FHIP2B: variants seen among roughly 807,000 people sequenced by gnomAD.
FHIP2B encodes FHF complex subunit HOOK interacting protein 2B.
In FHIP2B, 72 loss-of-function variants were observed where a neutral mutation model predicts 84.0. That is an observed-to-expected ratio of 0.86 (90% CI 0.71 to 1.04). FHIP2B has a LOEUF of 1.04. Ranked by LOEUF, FHIP2B falls within the 50% of genes least tolerant of loss-of-function variation. The probability of loss-of-function intolerance (pLI) is 0.00; values close to 1 mark genes in which losing one functional copy is unlikely to be tolerated. For synonymous variants in FHIP2B, 497 were observed against 418.7 expected (o/e 1.19, Z -2.28); for missense variants, 972 against 968.9 (o/e 1.00, Z -0.04).
intron 1 of FHIP2B, among the ~76,000 whole-genome samples, chr8:22,091,235 T>G (rs1408405456): frequency 7.0e-6 from 1 of 143,036 alleles, no homozygotes; most frequent in Non-Finnish European, 1.5e-5. Context: ...TAGGAATCAT[T>G]ACAGCTTTTT....
rs1256686148 is a variant in FHIP2B at position 22,097,606 on chromosome 8, C to G, written c.388C>G (p.His130Asp). The change falls in exon 4 of 17, where the codon CAC (histidine) becomes GAC (aspartate). Residue 130 changes from histidine (H) to aspartate (D), a missense_variant. Coordinates refer to ENST00000289921, the MANE Select transcript of FHIP2B (RefSeq NM_022749.7). ...CCCCCTGCTGCATTACCTCAGCGTC[C>G]ACAGGCCTGTGCAGGTGAGGGGCCC... The part of the protein sequence containing the change: ...QHPLLHYLSV[H>D]RPVQKLLRLG... The G allele has an allele frequency of 6.2e-7, 1 of 1,606,758 alleles. No individual in the cohort carries two copies. The highest frequency in any genetic ancestry group is 1.3e-5 in the African/African-American group (1 of 74,764).
intron 1 of FHIP2B, among the ~76,000 whole-genome samples, chr8:22,092,022 A>G (rs1271739109): frequency 6.6e-6 from 1 of 152,226 alleles, no homozygotes; most frequent in African/African-American, 2.4e-5. Flanking sequence ...GCACTGTCAC[A>G]TAGAATGTAG....
intron 1 of FHIP2B, among the ~76,000 whole-genome samples, chr8:22,093,896 T>C (rs2131690781): frequency 6.6e-6 from 1 of 152,062 alleles, no homozygotes; most frequent in East Asian, 1.9e-4. Flanking sequence ...TTTTAAATTG[T>C]TTATAGAGAC....
chr8:22,100,992 G>A lies in FHIP2B; in HGVS notation c.1616+20G>A, dbSNP rs1323168016. The A allele has an allele frequency of 6.2e-7, 1 of 1,610,008 alleles. No individual in the cohort carries two copies. Among genetic ancestry groups the A allele is most frequent in the African/African-American group, 1.3e-5 (1 of 74,836 alleles). The stretch of plus-strand genomic sequence containing the variant: ...CAACAGGTGGGGAGCAAGTTAGGCA[G>A]TCTGAACCACTTGAGTTTTATTTTA... On this transcript the variant is annotated intron_variant, in intron 12 of 16. Transcript: ENST00000289921.
rs1586330760 is a variant in FHIP2B at position 22,097,938 on chromosome 8, G to A, written c.525+99G>A. The A allele has an allele frequency of 7.7e-6, 12 of 1,556,884 alleles. No individual in the cohort carries two copies. The South Asian group carries it at 8.4e-5, about 11-fold the overall frequency. On this transcript the variant is annotated intron_variant, in intron 5 of 16. Coordinates refer to ENST00000289921, the MANE Select transcript of FHIP2B (RefSeq NM_022749.7). ...AGGCAGAAGCAGAGATCAGGTACCC[G>A]GGAGGCACGCAGGCAGCTTCCCCTC...
At chr8:22,089,661 C>T in intron 1 of FHIP2B, 1 of 769,738 alleles carries the variant, frequency 1.3e-6, no homozygotes, top group Non-Finnish European at 1.9e-6. Flanking sequence ...GGCCGCCTCC[C>T]CCCAGTCCCG....
At position 22,093,317 on chromosome 8, in the gene FHIP2B, TG is replaced by T. The variant is rs776921355; in HGVS notation, c.46-1122del. On this transcript the variant is annotated intron_variant, in intron 1 of 16. Transcript: ENST00000289921. ...CTCTGCAAGAAAAGCGAAGGAATGG[TG>T]TTGTTGTTGTTGTTGTTGTTGTTTT... 9.1e-3 allele frequency among the ~76,000 whole-genome samples: 309 copies of T among 34,094 alleles called. 1 individual carries two copies. Among genetic ancestry groups the T allele is most frequent in the Admixed American group, 0.056 (125 of 2,224 alleles). The allele number at this position is 34,094 out of a possible 152,430, so 22.4% of individuals were successfully genotyped here.
chr8:22,100,820 C>A, intron 11 of FHIP2B, 24 bp from the exon 12 acceptor site: 1 of 1,613,768 alleles, frequency 6.2e-7, no homozygotes, highest in Non-Finnish European at 8.5e-7. Context: ...TCACTGGTGC[C>A]GTACTGCTCT....
intron 2 of FHIP2B, chr8:22,095,012 C>A: frequency 1.9e-6 from 1 of 528,450 alleles, no homozygotes; most frequent in Non-Finnish European, 2.5e-6. Flanking sequence ...TCCAAGCTGA[C>A]ACCCCAAAGA....
chr8:22,100,237 T>C, intron 10 of FHIP2B: 5 of 374,702 alleles, frequency 1.3e-5, no homozygotes, highest in Non-Finnish European at 2.4e-5. Context: ...CCCAGCTTAT[T>C]TTTTTACAGT....
intron 13 of FHIP2B, 75 bp downstream of exon 13, chr8:22,101,605 C>T: frequency 1.9e-6 from 3 of 1,559,900 alleles, no homozygotes; most frequent in Non-Finnish European, 2.6e-6. Flanking sequence ...GGTTCCGCCT[C>T]TCTCATCTGC....
Position 22,089,704 on chromosome 8 carries a change from C to A in FHIP2B, c.45+406C>A. 9.4e-6 allele frequency: 11 copies of A among 1,176,370 alleles called. 1 individual carries two copies. In the South Asian group the frequency reaches 1.3e-4, roughly 14 times the overall value. 72.9% of individuals were successfully genotyped at this position (1,176,370 alleles called of 1,614,324 possible). A position where few individuals can be genotyped will look rare whatever the true frequency, so the allele number is the denominator to read the frequency against. ...TGCCTCCTTCCTCCGCTCCACCCCA[C>A]CGCCTCGCCTGGGCTTGAAAAAATC... On this transcript the variant is annotated intron_variant, in intron 1 of 16. Transcript: ENST00000289921.
chr8:22,098,141 G>A lies in FHIP2B; in HGVS notation c.599G>A (p.Gly200Glu), dbSNP rs1364567253. ...CTGCCTAAGGACACAACCAGCCACG[G>A]GGACAAGGACTGCTCCCACGATGGT... ...TALPKDTTSH[G>E]DKDCSHDGAP... The change falls in exon 6 of 17, where the codon GGG becomes GAG. Residue 200 changes from glycine (G) to glutamate (E), a missense_variant. Physicochemically the swap from Gly to Glu is moderately conservative, Grantham distance 98. Coordinates refer to ENST00000289921, the MANE Select transcript of FHIP2B (RefSeq NM_022749.7). 8 of 1,581,266 alleles carry A rather than the reference G, an allele frequency of 5.1e-6. No individual in the cohort carries two copies. In the South Asian group the frequency reaches 9.2e-5, roughly 18 times the overall value.
Position 22,101,769 on chromosome 8 carries a change from AC to A in FHIP2B, c.1774del (p.His592MetfsTer30), listed in dbSNP as rs760552753. 1.2e-6 allele frequency: 2 copies of A among 1,612,798 alleles called. No individual in the cohort carries two copies. Among genetic ancestry groups the A allele is most frequent in the Non-Finnish European group, 1.7e-6 (2 of 1,179,644 alleles). On this transcript the variant is annotated frameshift_variant, in exon 14 of 17. Coordinates refer to ENST00000289921, the MANE Select transcript of FHIP2B (RefSeq NM_022749.7). LOFTEE classifies it high-confidence loss of function. ...TGGCCTCTGACCCCCACACCTTTGGACCCCCATGAGCCCGAGCGACCTTTCT... is the reference window on the plus strand; with the variant it reads ...TGGCCTCTGACCCCCACACCTTTGGACCCCATGAGCCCGAGCGACCTTTCT... ...WGWPLTPTPL[D>X]PHEPERPFFE...
Position 22,100,674 on chromosome 8 carries a change from C to T in FHIP2B, c.1422C>T (p.Arg474=), listed in dbSNP as rs777590576. The T allele has an allele frequency of 5.0e-6, 8 of 1,607,572 alleles. No individual in the cohort carries two copies. Among genetic ancestry groups the T allele is most frequent in the Non-Finnish European group, 6.8e-6 (8 of 1,176,458 alleles). ...GGATCATCCACAGCCTGGTCCTGCG[C>T]AACCTTGAGGGCCGCCCTTACGTGG... ...HEGIIHSLVL[R]NLEGRPYVAW... Residue 474 remains arginine (R), a synonymous_variant, in exon 11 of 17, where the codon CGC becomes CGT. Transcript: ENST00000289921.
chr8:22,094,811 C>T (rs1825678411), intron 2 of FHIP2B: 1 of 1,228,376 alleles, frequency 8.1e-7, no homozygotes, highest in Admixed American at 4.5e-5. Context: ...GAAGAGGTGG[C>T]TGCACTTCCC....
In FHIP2B at chr8:22,099,675, G is replaced by C. The variant is rs1443139689; in HGVS notation, c.1152-29G>C. ...ACTCATGTGCTGTCTGCACACACCGGGCCTGGCTAAGGTGCCCTCTTCCCG... is the reference window on the plus strand; with the variant it reads ...ACTCATGTGCTGTCTGCACACACCGCGCCTGGCTAAGGTGCCCTCTTCCCG... On this transcript the variant is annotated intron_variant, in intron 9 of 16. Coordinates refer to ENST00000289921, the MANE Select transcript of FHIP2B (RefSeq NM_022749.7). The C allele has an allele frequency of 3.2e-6, 5 of 1,544,838 alleles. No homozygotes were observed. The African/African-American group carries it at 6.9e-5, about 21-fold the overall frequency.
At chr8:22,091,180 G>T (rs1170845480) in intron 1 of FHIP2B, among the ~76,000 whole-genome samples, 1 of 148,410 alleles carries the variant, frequency 6.7e-6, no homozygotes, top group East Asian at 2.0e-4. Context: ...ATTACTCATT[G>T]AGTAGGAAGA....
chr8:22,099,654 A>C lies in FHIP2B; in HGVS notation c.1152-50A>C, dbSNP rs375863601. The C allele has an allele frequency of 1.4e-5, 22 of 1,518,246 alleles. No individual in the cohort carries two copies. The South Asian group carries it at 1.6e-4, about 11-fold the overall frequency. 94.0% of individuals were successfully genotyped at this position (1,518,246 alleles called of 1,614,324 possible). ...AGGAAGGGTTCGGCCACCCGCACTC[A>C]TGTGCTGTCTGCACACACCGGGCCT... On this transcript the variant is annotated intron_variant, in intron 9 of 16. Coordinates refer to ENST00000289921, the MANE Select transcript of FHIP2B (RefSeq NM_022749.7).
Sources: gnomAD v4.1 joint callset for allele counts (sites outside exome capture counted in the v4.1 genomes callset) on GRCh38, gnomAD v4.1.1 for gene constraint, MANE v1.5 for transcripts, NCBI Gene and HGNC (gene_info 2026-07-23, HGNC 2026-07-21) for gene names.